APLP2: variants seen among roughly 807,000 people sequenced by gnomAD.
The protein encoded by APLP2 is amyloid beta precursor like protein 2, also known as CDEI box-binding protein.
APLP2 carries 53 observed loss-of-function variants against 89.9 expected under a neutral mutation model. That is an observed-to-expected ratio of 0.59 (90% CI 0.47 to 0.74). The LOEUF (loss-of-function observed/expected upper bound fraction) is 0.74. Among genes scored for constraint, APLP2 ranks in the 30% least tolerant of loss-of-function variants. The probability of loss-of-function intolerance (pLI) is 0.00; values close to 1 mark genes in which losing one functional copy is unlikely to be tolerated. For synonymous variants in APLP2, 372 were observed against 348.6 expected (o/e 1.07, Z -0.75); for missense variants, 973 against 975.9 (o/e 1.00, Z 0.04).
rs914939325 is a variant in APLP2, at chr11:130,081,913, A to G, written c.105+11831A>G. 3.3e-5 allele frequency among the ~76,000 whole-genome samples: 5 copies of G among 152,200 alleles called. No individual in the cohort carries two copies. In the East Asian group the frequency reaches 5.8e-4, roughly 18 times the overall value. On this transcript the variant is annotated intron_variant, in intron 1 of 16. Coordinates refer to ENST00000338167, the MANE Select transcript of APLP2 (RefSeq NM_001142276.2). Reference sequence around the variant, plus strand: ...GCATTTAAAAGAACCTCTGGAAAGGACTTGATCTAAAATGGAAGACTTTAT... The same window carrying G: ...GCATTTAAAAGAACCTCTGGAAAGGGCTTGATCTAAAATGGAAGACTTTAT...
At chr11:130,092,042 C>T (rs1410048302) in intron 1 of APLP2, among the ~76,000 whole-genome samples, 12 of 126,010 alleles carry the variant, frequency 9.5e-5, no homozygotes, top group African/African-American at 3.4e-4. Context: ...ACCTCCCAGA[C>T]GGGGTCTCGG....
At chr11:130,136,834 A>G (rs1037646338) in intron 13 of APLP2, among the ~76,000 whole-genome samples, 3 of 152,202 alleles carry the variant, frequency 2.0e-5, no homozygotes, top group Non-Finnish European at 4.4e-5. Flanking sequence ...TCGGGTGGCC[A>G]TGCTTGGACA....
At chr11:130,115,510 C>A (rs57696727) in intron 3 of APLP2, among the ~76,000 whole-genome samples, 23,179 of 152,100 alleles carry the variant, frequency 0.15, 2,663 homozygotes, top group African/African-American at 0.32. Context: ...TAGAAATTGG[C>A]GATAAATCCT....
intron 3 of APLP2, among the ~76,000 whole-genome samples, chr11:130,117,728 A>C (rs929574457): frequency 2.6e-5 from 4 of 152,134 alleles, no homozygotes; most frequent in Non-Finnish European, 5.9e-5. Flanking sequence ...GCTTGCTTTT[A>C]CTTTACATCA....
intron 4 of APLP2, among the ~76,000 whole-genome samples, chr11:130,121,372 T>G (rs1949798620): frequency 6.6e-6 from 1 of 152,220 alleles, no homozygotes; most frequent in Non-Finnish European, 1.5e-5. Context: ...TTCCTGACTT[T>G]TTTCCACATT....
rs1257173911 is a variant in APLP2, at chr11:130,143,810, A to T, written c.*362A>T. 5.2e-6 allele frequency: 1 copy of T among 191,566 alleles called. No individual in the cohort carries two copies. Among genetic ancestry groups the T allele is most frequent in the Non-Finnish European group, 1.1e-5 (1 of 91,354 alleles). 11.9% of individuals were successfully genotyped at this position (191,566 alleles called of 1,614,324 possible). ...AATGTCGATTTTCAATAATAGACTT[A>T]TATGCAGGCTGTCGTTCCGGTTATG... On this transcript the variant is annotated 3_prime_UTR_variant, in exon 17 of 17. Transcript: ENST00000338167.
chr11:130,081,779 A>ATTTGT (rs1943193039), intron 1 of APLP2, among the ~76,000 whole-genome samples: 1 of 152,198 alleles, frequency 6.6e-6, no homozygotes, highest in Non-Finnish European at 1.5e-5. Context: ...TTTGTAATTT[A>ATTTGT]TTTGATTCTT....
At chr11:130,130,270 A>G in intron 11 of APLP2, 104 bp downstream of exon 11, 2 of 1,454,794 alleles carry the variant, frequency 1.4e-6, no homozygotes, top group East Asian at 2.3e-5. Flanking sequence ...ATTTGCTACT[A>G]GTCCTTAGAA....
intron 1 of APLP2, among the ~76,000 whole-genome samples, chr11:130,077,641 C>T (rs911526490): frequency 1.8e-4 from 27 of 151,470 alleles, no homozygotes; most frequent in African/African-American, 5.8e-4. Flanking sequence ...CCACTGGATA[C>T]GGAAATATAA....
chr11:130,093,477 G>A (rs1945728556), intron 1 of APLP2, among the ~76,000 whole-genome samples: 1 of 152,184 alleles, frequency 6.6e-6, no homozygotes, highest in Non-Finnish European at 1.5e-5. Flanking sequence ...AAATGTGGAA[G>A]CAGAACTAAG....
chr11:130,070,615 G>A, intron 1 of APLP2: 4 of 1,423,028 alleles, frequency 2.8e-6, no homozygotes, highest in Non-Finnish European at 2.7e-6. Flanking sequence ...CGGCAGGGAT[G>A]CTGCGAGCCC....
chr11:130,070,939 G>T (rs1940931122), intron 1 of APLP2, among the ~76,000 whole-genome samples: 1 of 152,158 alleles, frequency 6.6e-6, no homozygotes, highest in Non-Finnish European at 1.5e-5. Flanking sequence ...GGCCGCGGGA[G>T]GGGGCGGGGG....
At chr11:130,088,978 G>A (rs1944506146) in intron 1 of APLP2, among the ~76,000 whole-genome samples, 2 of 151,980 alleles carry the variant, frequency 1.3e-5, no homozygotes, top group African/African-American at 2.4e-5. Context: ...GACAAAAAAC[G>A]CGGCACTTGG....
At chr11:130,091,198 G>A (rs1945033658) in intron 1 of APLP2, among the ~76,000 whole-genome samples, 6 of 136,362 alleles carry the variant, frequency 4.4e-5, no homozygotes, top group African/African-American at 1.4e-4. Flanking sequence ...CCCGGACGGG[G>A]CGGCTGGCCG....
intron 1 of APLP2, among the ~76,000 whole-genome samples, chr11:130,108,383 C>T (rs1948085750): frequency 1.3e-5 from 2 of 152,266 alleles, no homozygotes; most frequent in South Asian, 2.1e-4. Context: ...ACCCCATCAA[C>T]AAGTGGGCTA....
Position 130,141,797 on chromosome 11 carries a change from C to A in APLP2, c.1999-122C>A. On this transcript the variant is annotated intron_variant, in intron 15 of 16. Coordinates refer to ENST00000338167, the MANE Select transcript of APLP2 (RefSeq NM_001142276.2). The surrounding 1 kb of genome is among the most constrained non-coding windows in gnomAD (Gnocchi z 4.2). ...TGGGTGGTTCCCTGCAAAGCAGGATCTTGGTGCTACTTTGGGTTTTAGGGG... is the reference window on the plus strand; with the variant it reads ...TGGGTGGTTCCCTGCAAAGCAGGATATTGGTGCTACTTTGGGTTTTAGGGG... 1 of 1,220,356 alleles carries A rather than the reference C, an allele frequency of 8.2e-7. No individual in the cohort carries two copies. Among genetic ancestry groups the A allele is most frequent in the Non-Finnish European group, 1.1e-6 (1 of 872,020 alleles). The allele number at this position is 1,220,356 out of a possible 1,614,324, so 75.6% of individuals were successfully genotyped here. A position where few individuals can be genotyped will look rare whatever the true frequency, so the allele number is the denominator to read the frequency against.
intron 1 of APLP2, among the ~76,000 whole-genome samples, chr11:130,093,906 G>A (rs1014179870): frequency 2.0e-5 from 3 of 151,988 alleles, no homozygotes; most frequent in Admixed American, 6.6e-5. Flanking sequence ...ACCACGTCTG[G>A]CTAATTTTTT....
At chr11:130,085,283 C>T (rs1216836817) in intron 1 of APLP2, among the ~76,000 whole-genome samples, 1 of 152,128 alleles carries the variant, frequency 6.6e-6, no homozygotes, top group African/African-American at 2.4e-5. Flanking sequence ...AACGCCGTCT[C>T]TACTAAAAAT....
In APLP2 at chr11:130,122,398, G is replaced by A. The variant is rs1393494694; in HGVS notation, c.807G>A (p.Glu269=). 1.9e-6 allele frequency: 3 copies of A among 1,614,044 alleles called. No homozygotes were observed. The highest frequency in any genetic ancestry group is 2.5e-6 in the Non-Finnish European group (3 of 1,180,032). ...EDEEEGEEVV[E]DRDYYYDTFK... is the part of the protein sequence containing the mutation. ...AGGAAGAAGGGGAGGAAGTGGTGGA[G>A]GACCGAGATTACTACTATGACACCT... is the stretch of plus-strand genomic sequence containing the variant. Residue 269 remains glutamate (E), a synonymous_variant, in exon 6 of 17, where the codon GAG becomes GAA. Transcript: ENST00000338167.
Sources: allele counts gnomAD v4.1 joint callset (sites outside exome capture counted in the v4.1 genomes callset), GRCh38; gene constraint gnomAD v4.1.1; non-coding constraint Gnocchi (gnomAD v3.1); transcripts MANE v1.5; gene names NCBI Gene and HGNC (gene_info 2026-07-23, HGNC 2026-07-21).